AMOTL1: variants seen among roughly 807,000 people sequenced by gnomAD.
The protein encoded by AMOTL1 is angiomotin-like protein 1.
AMOTL1 carries 45 observed loss-of-function variants against 102.9 expected under a neutral mutation model. That is an observed-to-expected ratio of 0.44 (90% CI 0.34 to 0.56). The LOEUF (loss-of-function observed/expected upper bound fraction) is 0.56. Ranked by LOEUF, AMOTL1 falls within the 20% of genes least tolerant of loss-of-function variation. AMOTL1 has a pLI of 0.01. For synonymous variants in AMOTL1, 481 were observed against 484.7 expected, an observed-to-expected ratio of 0.99 and a Z score of 0.10; for missense variants, 1,114 against 1,225.6, an observed-to-expected ratio of 0.91 and a Z score of 1.36.
At chr11:94,769,475 C>A (rs906648942) in intron 1 of AMOTL1, among the ~76,000 whole-genome samples, 2 of 152,210 alleles carry the variant, frequency 1.3e-5, no homozygotes, top group African/African-American at 4.8e-5. Context: ...CAAGTTTCCC[C>A]CCTCAGAGCC....
intron 4 of AMOTL1, among the ~76,000 whole-genome samples, chr11:94,829,662 A>G (rs954181924): frequency 1.3e-5 from 2 of 152,188 alleles, no homozygotes; most frequent in Non-Finnish European, 2.9e-5. Context: ...TTCTAATTAT[A>G]GTCGTTTCTT....
intron 2 of AMOTL1, among the ~76,000 whole-genome samples, chr11:94,734,012 G>A (rs1454723757): frequency 6.6e-6 from 1 of 152,190 alleles, no homozygotes; most frequent in East Asian, 1.9e-4. Context: ...ACGCAGTGCA[G>A]GAATGGGACA....
At chr11:94,741,051 G>T (rs1341690257) in intron 3 of AMOTL1, 4 of 1,245,942 alleles carry the variant, frequency 3.2e-6, no homozygotes, top group Non-Finnish European at 4.2e-6. Flanking sequence ...CTGCGAGTTT[G>T]GGGGGCGTCC....
Position 94,770,298 on chromosome 11 carries a change from G to A in AMOTL1, c.49+1738G>A, listed in dbSNP as rs558300143. On this transcript the variant is annotated intron_variant, in intron 1 of 12. Transcript: ENST00000433060. ...TGAAGGCTCTTTATGAGAATAATGT[G>A]GGAACAGTAGTTTAATATACTTTGA... is the stretch of plus-strand genomic sequence containing the variant. 1.9e-3 allele frequency among the ~76,000 whole-genome samples: 290 copies of A among 152,250 alleles called. 2 individuals are homozygous for A. Among genetic ancestry groups the A allele is most frequent in the African/African-American group, 6.5e-3 (269 of 41,524 alleles).
intron 12 of AMOTL1, among the ~76,000 whole-genome samples, chr11:94,869,926 C>T (rs575948884): frequency 3.9e-5 from 6 of 152,278 alleles, no homozygotes; most frequent in South Asian, 2.1e-4. Context: ...CCTGCAGAGT[C>T]GGTTAACGTG....
intron 2 of AMOTL1, among the ~76,000 whole-genome samples, chr11:94,729,318 A>G (rs1452689279): frequency 6.6e-6 from 1 of 152,144 alleles, no homozygotes; most frequent in East Asian, 1.9e-4. Flanking sequence ...TTGCAGTGTT[A>G]TGATGAGGAC....
At chr11:94,789,048 A>G (rs1951238713) in intron 1 of AMOTL1, among the ~76,000 whole-genome samples, 1 of 152,230 alleles carries the variant, frequency 6.6e-6, no homozygotes, top group Non-Finnish European at 1.5e-5. Flanking sequence ...CCCCAACTCC[A>G]AACCTCGGGT....
chr11:94,768,441 GGC>G lies in AMOTL1; in HGVS notation c.-68_-67del. ...CCTGTGTGAATGGGGTTGATTGTCC[GGC>G]GCCACTTCCCCGCGCTGCCCGGCAG... On this transcript the variant is annotated 5_prime_UTR_variant, in exon 1 of 13. An upstream open reading frame in the 5' UTR loses its in-frame stop. Transcript: ENST00000433060. 5 of 1,546,856 alleles carry G rather than the reference GGC, an allele frequency of 3.2e-6. No individual in the cohort carries two copies. Among genetic ancestry groups the G allele is most frequent in the Non-Finnish European group, 4.4e-6 (5 of 1,147,218 alleles).
rs1474036302 is a variant in AMOTL1 at position 94,873,778 on chromosome 11, C to CAG, written c.*2984_*2985insGA. 2 of 108,240 alleles carry CAG rather than the reference C, an allele frequency of 1.8e-5. No homozygotes were observed. Among genetic ancestry groups the CAG allele is most frequent in the East Asian group, 6.5e-4 (2 of 3,082 alleles). The allele number at this position is 108,240 out of a possible 1,614,324, so 6.7% of individuals were successfully genotyped here. On this transcript the variant is annotated 3_prime_UTR_variant, in exon 13 of 13. Coordinates refer to ENST00000433060, the MANE Select transcript of AMOTL1 (RefSeq NM_130847.3). ...TGATGTGTGTGTGCACGTGTAACTA[C>CAG]ACACACACACACACACACACACACA...
chr11:94,795,168 C>A lies in AMOTL1; in HGVS notation c.199+8C>A, dbSNP rs200080861. ...GCATCAGGGAAAAAGTTGGTAAGTC[C>A]TTTTACCGGCACTTGTGTTGGAAAA... On this transcript the variant is annotated splice_region_variant and intron_variant, in intron 2 of 12. Transcript: ENST00000433060. The A allele has an allele frequency of 3.0e-5, 48 of 1,612,782 alleles. No individual in the cohort carries two copies. Among genetic ancestry groups the A allele is most frequent in the Middle Eastern group, 1.7e-4 (1 of 6,056 alleles).
chr11:94,714,322 T>C lies in AMOTL1; in HGVS notation c.-51+7725T>C, dbSNP rs538289632. ...TTAAGGATTTTTGCATCCCAGTTCA[T>C]AAGAATTATTGATTTGTATTTTTTC... On this transcript the variant is annotated intron_variant, in intron 1 of 4. Coordinates refer to the AMOTL1 transcript ENST00000299004. Among the ~76,000 whole-genome samples the C allele has an allele frequency of 1.1e-4, 17 of 152,222 alleles. No homozygotes were observed. In the East Asian group the frequency reaches 2.7e-3, roughly 24 times the overall value.
In AMOTL1 at chr11:94,853,994, T is replaced by C; in HGVS notation, c.1856T>C (p.Leu619Pro). Residue 619 changes from leucine to proline, a missense_variant, in exon 8 of 13, where the codon CTG (leucine) becomes CCG (proline). Transcript: ENST00000433060. ...AAGCTGCAGCAGGCCCTGACCCAGC[T>C]GCAGTCTGCATGTGAGAAGCGAGAA... ...VEKLQQALTQ[L>P]QSACEKREQM... 6.3e-7 allele frequency: 1 copy of C among 1,598,656 alleles called. No individual in the cohort carries two copies. The highest frequency in any genetic ancestry group is 1.1e-5 in the South Asian group (1 of 88,374).
chr11:94,866,045 C>T lies in AMOTL1; in HGVS notation c.2365C>T (p.Arg789Cys), dbSNP rs759915086. 16 of 1,613,870 alleles carry T rather than the reference C, an allele frequency of 9.9e-6. No homozygotes were observed. Among genetic ancestry groups the T allele is most frequent in the Admixed American group, 3.3e-5 (2 of 60,002 alleles). ...CGGGAAGACAGACTCCTCCAGCCTA[C>T]GTCCTGCCCGCTCCGTTCCATCCAT... The part of the protein sequence containing the change: ...DAGKTDSSSL[R>C]PARSVPSIAA... The change falls in exon 11 of 13, where the codon CGT becomes TGT. Residue 789 changes from arginine (R) to cysteine (C), a missense_variant. Transcript: ENST00000433060.
chr11:94,857,630 A>T (rs1952694547), intron 8 of AMOTL1, among the ~76,000 whole-genome samples: 1 of 152,266 alleles, frequency 6.6e-6, no homozygotes, highest in African/African-American at 2.4e-5. Flanking sequence ...TTTTACAAAG[A>T]GCTCAAATTA....
chr11:94,741,822 C>A (rs1950531729), intron 3 of AMOTL1, among the ~76,000 whole-genome samples: 1 of 152,032 alleles, frequency 6.6e-6, no homozygotes. Flanking sequence ...ATCTTGCCTT[C>A]CTAAGATGAA....
At chr11:94,742,598 G>A (rs1950541776) in intron 3 of AMOTL1, among the ~76,000 whole-genome samples, 1 of 152,202 alleles carries the variant, frequency 6.6e-6, no homozygotes, top group Admixed American at 6.5e-5. Context: ...CAAATTAGCA[G>A]TAGAAAATAA....
intron 1 of AMOTL1, among the ~76,000 whole-genome samples, chr11:94,772,616 T>A (rs965806700): frequency 1.3e-5 from 2 of 152,242 alleles, no homozygotes; most frequent in Non-Finnish European, 2.9e-5. Flanking sequence ...TGTTTAACCA[T>A]TCACCTATGG....
At chr11:94,870,550 G>A (rs1952976721) in intron 12 of AMOTL1, 139 bp from the exon 13 acceptor site, 2 of 586,044 alleles carry the variant, frequency 3.4e-6, no homozygotes, top group Admixed American at 3.0e-5. Context: ...TTCCCACTGT[G>A]GGCTGGATCA....
chr11:94,869,353 A>C lies in AMOTL1; in HGVS notation c.2644A>C (p.Ser882Arg). Residue 882 changes from serine (S) to arginine (R), a missense_variant, in exon 12 of 13, where the codon AGT (serine) becomes CGT (arginine). Physicochemically the swap from Ser to Arg is moderately radical, Grantham distance 110. Transcript: ENST00000433060. ...GGACAGCAGCACACAGACTGACAAG[A>C]GTGCCGAGCTCTTCTGGCCCAGCAT... ...SKDSSTQTDKSAELFWPSMAS... is the reference protein window; with the variant it reads ...SKDSSTQTDKRAELFWPSMAS... 1 of 1,611,232 alleles carries C rather than the reference A, an allele frequency of 6.2e-7. No homozygotes were observed. Among genetic ancestry groups the C allele is most frequent in the Non-Finnish European group, 8.5e-7 (1 of 1,178,828 alleles).
Sources: allele counts gnomAD v4.1 joint callset (sites outside exome capture counted in the v4.1 genomes callset), GRCh38; gene constraint gnomAD v4.1.1; transcripts MANE v1.5; gene names NCBI Gene and HGNC (gene_info 2026-07-23, HGNC 2026-07-21).